Variants in STK17B observed in about 807,000 individuals in gnomAD.
The protein encoded by STK17B is serine/threonine kinase 17b, also known as serine/threonine-protein kinase 17B.
In STK17B, 21 loss-of-function variants were observed where a neutral mutation model predicts 42.0. The observed-to-expected ratio is 0.50, with a 90% CI of 0.35 to 0.72. The LOEUF is 0.72. STK17B is among the 30% of genes least tolerant of loss of function. The probability of loss-of-function intolerance (pLI) is 0.00; values close to 1 mark genes in which losing one functional copy is unlikely to be tolerated. For missense variants in STK17B, 349 were observed against 446.0 expected, an observed-to-expected ratio of 0.78 and a Z score of 1.96; for synonymous variants, 143 against 148.4, an observed-to-expected ratio of 0.96 and a Z score of 0.26.
chr2:196,140,722 G>A (rs78252231), intron 6 of STK17B, among the ~76,000 whole-genome samples: 27,021 of 151,576 alleles, frequency 0.18, 3,031 homozygotes, highest in Non-Finnish European at 0.27. Flanking sequence ...GCGCCACCAC[G>A]TCCAGCTAAT....
chr2:196,146,163 C>T (rs1337215350), intron 3 of STK17B, 108 bp from the exon 4 acceptor site: 14 of 1,160,838 alleles, frequency 1.2e-5, no homozygotes, highest in South Asian at 8.2e-5. Context: ...AATGTTAATA[C>T]GTTACACTTA....
At chr2:196,149,164 T>TA (rs953505921) in intron 3 of STK17B, among the ~76,000 whole-genome samples, 1 of 103,108 alleles carries the variant, frequency 9.7e-6, no homozygotes, top group African/African-American at 3.7e-5. Flanking sequence ...ATAACAGCTA[T>TA]TTTTTTTTTT....
intron 4 of STK17B, 129 bp downstream of exon 4, chr2:196,145,782 A>G (rs1156391520): frequency 2.4e-6 from 2 of 826,566 alleles, no homozygotes; most frequent in Admixed American, 3.7e-5. Context: ...GTAAGCAAAG[A>G]GCACACCAGT....
At chr2:196,159,268 A>T (rs1699780847) in intron 2 of STK17B, among the ~76,000 whole-genome samples, 1 of 151,836 alleles carries the variant, frequency 6.6e-6, no homozygotes, top group African/African-American at 2.4e-5. Flanking sequence ...TTATCTGTAA[A>T]TAACACTTCT....
At chr2:196,145,278 G>A (rs1397109042) in intron 4 of STK17B, among the ~76,000 whole-genome samples, 1 of 151,940 alleles carries the variant, frequency 6.6e-6, no homozygotes, top group African/African-American at 2.4e-5. Flanking sequence ...AGAAGCCAAA[G>A]GGTCATGCAA....
chr2:196,164,038 C>CAATAAATAAATA (rs60492880), intron 1 of STK17B, among the ~76,000 whole-genome samples: 10,591 of 146,024 alleles, frequency 0.073, 447 homozygotes, highest in Middle Eastern at 0.17. Flanking sequence ...GATCTTATCT[C>CAATAAATAAATA]AATAAATAAA....
At chr2:196,170,929 G>A (rs1699932252) in intron 1 of STK17B, 1 of 152,278 alleles carries the variant, frequency 6.6e-6, no homozygotes, top group South Asian at 2.1e-4. Flanking sequence ...GAGGCTAGGG[G>A]GACCGCGTGG....
Position 196,140,998 on chromosome 2 carries a change from G to A in STK17B, c.656+251C>T, listed in dbSNP as rs537320256. On this transcript the variant is annotated intron_variant, in intron 6 of 7. Transcript: ENST00000263955. ...TGTAGCAATGTACTGCAAGTATTTT[G>A]TTCTTTTACTCAACTGAGTTTTCAT... is the stretch of plus-strand genomic sequence containing the variant. Among the ~76,000 whole-genome samples the A allele has an allele frequency of 1.5e-4, 23 of 152,186 alleles. 1 individual carries two copies. The South Asian group carries it at 4.4e-3, about 29-fold the overall frequency.
Position 196,146,073 on chromosome 2 carries a change from G to A in STK17B, c.336-18C>T. On this transcript the variant is annotated intron_variant, in intron 3 of 7. Coordinates refer to ENST00000263955, the MANE Select transcript of STK17B (RefSeq NM_004226.4). ...CTGCAGCACTAAAATAAAATTCAAA[G>A]AACAGAGACTTGAAAATTCATTCAC... 1 of 1,563,544 alleles carries A rather than the reference G, an allele frequency of 6.4e-7. No homozygotes were observed. Among genetic ancestry groups the A allele is most frequent in the Admixed American group, 2.2e-5 (1 of 46,366 alleles).
intron 4 of STK17B, among the ~76,000 whole-genome samples, chr2:196,143,892 T>A (rs529141269): frequency 6.6e-6 from 1 of 152,208 alleles, no homozygotes; most frequent in Non-Finnish European, 1.5e-5. Flanking sequence ...GGATTCTAGG[T>A]TTGAAGAGAA....
chr2:196,156,437 A>C lies in STK17B; in HGVS notation c.335+2T>G. The C allele has an allele frequency of 6.2e-7, 1 of 1,604,182 alleles. No individual in the cohort carries two copies. The highest frequency in any genetic ancestry group is 2.2e-5 in the East Asian group (1 of 44,626). ...AATAGGTACTATTTAGTATATACTT[A>C]CTATTCCAATATCAAAATGATTTCA... is the stretch of plus-strand genomic sequence containing the variant. On this transcript the variant is annotated splice_donor_variant, in intron 3 of 7. Transcript: ENST00000263955. LOFTEE classifies it high-confidence loss of function.
chr2:196,147,736 A>AT lies in STK17B; in HGVS notation c.336-1682dup, dbSNP rs71009081. Among the ~76,000 whole-genome samples the AT allele has an allele frequency of 6.4e-3, 949 of 148,812 alleles. 12 individuals carry two copies. Among genetic ancestry groups the AT allele is most frequent in the African/African-American group, 0.021 (864 of 40,316 alleles). ...GCTGTAAATTCATGAGACATAATAT[A>AT]TTTTTTTTTTTTTTGAGATGGAGTT... is the stretch of plus-strand genomic sequence containing the variant. On this transcript the variant is annotated intron_variant, in intron 3 of 7. Transcript: ENST00000263955.
intron 2 of STK17B, among the ~76,000 whole-genome samples, chr2:196,160,052 T>TA (rs1300063514): frequency 6.6e-5 from 10 of 152,184 alleles, no homozygotes; most frequent in Non-Finnish European, 1.0e-4. Context: ...TTTAAAAGTA[T>TA]AAAAAATGAT....
chr2:196,137,491 A>C lies in STK17B; in HGVS notation c.1075T>G (p.Ser359Ala), dbSNP rs566842605. 4 of 1,614,144 alleles carry C rather than the reference A, an allele frequency of 2.5e-6. No homozygotes were observed. The African/African-American group carries it at 4.0e-5, about 16-fold the overall frequency. ...ACAAGTTCATGGGGATTGGGTAATG[A>C]GTCATCGAAACGAAATCTTTTGGAA... ...MVSKRFRFDD[S>A]LPNPHELVSD... The change falls in exon 8 of 8, where the codon TCA becomes GCA. Residue 359 changes from serine (S) to alanine (A), a missense_variant. Coordinates refer to ENST00000263955, the MANE Select transcript of STK17B (RefSeq NM_004226.4).
upstream of STK17B, among the ~76,000 whole-genome samples, chr2:196,172,996 T>G (rs1699966108): frequency 6.6e-6 from 1 of 152,152 alleles, no homozygotes. Context: ...TATGGTGGTT[T>G]TGGGGTTGTG....
At chr2:196,167,741 C>A (rs1001023077) in intron 1 of STK17B, among the ~76,000 whole-genome samples, 4 of 152,166 alleles carry the variant, frequency 2.6e-5, no homozygotes, top group South Asian at 4.1e-4. Flanking sequence ...CTTTTAAGAG[C>A]CTCCAAAAAT....
chr2:196,143,401 ATG>A (rs1183493769), intron 5 of STK17B, among the ~76,000 whole-genome samples, 157 bp downstream of exon 5: 3 of 150,878 alleles, frequency 2.0e-5, no homozygotes, highest in Non-Finnish European at 3.0e-5. Context: ...TTTCATTTAA[ATG>A]TGTCTTAACC....
Position 196,163,115 on chromosome 2 carries a change from A to AAGT in STK17B, c.122+146_122+147insACT, listed in dbSNP as rs1259484199. The AAGT allele has an allele frequency of 3.2e-6, 3 of 932,846 alleles. No homozygotes were observed. In the African/African-American group the frequency reaches 5.1e-5, roughly 16 times the overall value. 57.8% of individuals were successfully genotyped at this position (932,846 alleles called of 1,614,324 possible). A position where few individuals can be genotyped will look rare whatever the true frequency, so the allele number is the denominator to read the frequency against. The stretch of plus-strand genomic sequence containing the variant: ...AGATTTGATTTTCAAGTCAGTTAAG[A>AAGT]CTGGACCCTAGGTAACAGCAACAGA... On this transcript the variant is annotated intron_variant, in intron 2 of 7. Coordinates refer to ENST00000263955, the MANE Select transcript of STK17B (RefSeq NM_004226.4).
At chr2:196,156,364 T>C in intron 3 of STK17B, 75 bp downstream of exon 3, 1 of 1,218,904 alleles carries the variant, frequency 8.2e-7, no homozygotes, top group Non-Finnish European at 1.1e-6. Context: ...TGTCACACCT[T>C]TATCATTCTT....
Sources: allele counts gnomAD v4.1 joint callset (sites outside exome capture counted in the v4.1 genomes callset), GRCh38; gene constraint gnomAD v4.1.1; transcripts MANE v1.5; gene names NCBI Gene and HGNC (gene_info 2026-07-23, HGNC 2026-07-21).